MTMR1: variants seen among roughly 807,000 people sequenced by gnomAD.
The protein encoded by MTMR1 is phosphatidylinositol-3-phosphate phosphatase MTMR1.
In MTMR1, 17 loss-of-function variants were observed where a neutral mutation model predicts 51.6. The observed-to-expected ratio is 0.33, with a 90% confidence interval of 0.23 to 0.49. The LOEUF is 0.49. MTMR1 is among the 20% of genes least tolerant of loss of function. The pLI is 0.99. For synonymous variants in MTMR1, 201 were observed against 205.6 expected, an observed-to-expected ratio of 0.98 and a Z score of 0.19; for missense variants, 386 against 526.9, an observed-to-expected ratio of 0.73 and a Z score of 2.62.
chrX:150,732,793 T>G, intron 10 of MTMR1, 63 bp downstream of exon 10: 1 of 1,029,641 alleles, frequency 9.7e-7, no homozygotes, highest in South Asian at 2.4e-5. Context: ...TAAATCATTA[T>G]GCAGTTGGAA....
intron 2 of MTMR1, among the ~76,000 whole-genome samples, chrX:150,705,723 G>A (rs1557416050): frequency 8.9e-6 from 1 of 111,983 alleles, no homozygotes; most frequent in African/African-American, 3.2e-5. Flanking sequence ...TCTCTGAACA[G>A]AAAGGAAGCA....
Position 150,718,614 on chromosome X carries a change from T to C in MTMR1, c.277-11T>C. On this transcript the variant is annotated splice_polypyrimidine_tract_variant and intron_variant, in intron 3 of 15. Coordinates refer to ENST00000445323, the MANE Select transcript of MTMR1 (RefSeq NM_001306144.3). ...TTTTTTTTTTTTTTTTTTTTTTTTT[T>C]TTTTTGCCAGGCTCTAAGGGATGGA... The C allele has an allele frequency of 3.0e-6, 2 of 668,075 alleles. No individual in the cohort carries two copies. The highest frequency in any genetic ancestry group is 4.1e-6 in the Non-Finnish European group (2 of 490,043). 55.1% of individuals were successfully genotyped at this position (668,075 alleles called of 1,213,427 possible). A position where few individuals can be genotyped will look rare whatever the true frequency, so the allele number is the denominator to read the frequency against.
At chrX:150,730,707 A>T (rs868996055) in intron 8 of MTMR1, 99 bp downstream of exon 8, 2 of 454,563 alleles carry the variant, frequency 4.4e-6, no homozygotes, top group Middle Eastern at 7.9e-4. Context: ...ACTTTTTCGA[A>T]CAAGTTATGC....
chrX:150,762,156 G>C (rs990514257), intron 15 of MTMR1, among the ~76,000 whole-genome samples: 3 of 112,893 alleles, frequency 2.7e-5, no homozygotes, highest in African/African-American at 9.6e-5. Flanking sequence ...AAAATACAGA[G>C]ATAATGGAGA....
chrX:150,697,506 G>T (rs1055304649), intron 1 of MTMR1, among the ~76,000 whole-genome samples: 2 of 111,138 alleles, frequency 1.8e-5, no homozygotes, highest in South Asian at 3.8e-4. Flanking sequence ...GTAAACTTTT[G>T]TCGGTGTTTT....
intron 12 of MTMR1, among the ~76,000 whole-genome samples, chrX:150,741,261 C>A (rs1426196647): frequency 9.0e-6 from 1 of 111,490 alleles, no homozygotes; most frequent in East Asian, 2.8e-4. Flanking sequence ...ACATCTCCAG[C>A]CTCACCTCTC....
At chrX:150,694,257 T>A (rs1557415672) in intron 1 of MTMR1, among the ~76,000 whole-genome samples, 3 of 111,836 alleles carry the variant, frequency 2.7e-5, no homozygotes, top group Admixed American at 9.4e-5. Context: ...AACCATTTAC[T>A]TTCAGTTCTT....
chrX:150,713,598 T>G (rs2041386478), intron 3 of MTMR1, among the ~76,000 whole-genome samples: 1 of 111,794 alleles, frequency 8.9e-6, no homozygotes, highest in Admixed American at 9.5e-5. Context: ...TTTTAATATT[T>G]TTAGCCTCGG....
In MTMR1 at chrX:150,732,197, C is replaced by T. The variant is rs144593173; in HGVS notation, c.892-345C>T. On this transcript the variant is annotated intron_variant, in intron 9 of 15. Transcript: ENST00000445323. ...TGCCACGTATATTATTGTTGAGATA[C>T]AAAGATGTTTTTAAAATTAGGAGAC... is the stretch of plus-strand genomic sequence containing the variant. 7.8e-4 allele frequency among the ~76,000 whole-genome samples: 87 copies of T among 111,803 alleles called. No homozygotes were observed. The East Asian group carries it at 0.013, about 17-fold the overall frequency.
chrX:150,711,133 A>G, intron 2 of MTMR1, among the ~76,000 whole-genome samples: 1 of 112,474 alleles, frequency 8.9e-6, no homozygotes, highest in South Asian at 3.7e-4. Flanking sequence ...TTTGACAGAA[A>G]TACACACATT....
At chrX:150,723,389 C>T (rs2079467022) in intron 4 of MTMR1, among the ~76,000 whole-genome samples, 1 of 110,467 alleles carries the variant, frequency 9.1e-6, no homozygotes, top group South Asian at 3.9e-4. Context: ...ATGGCTGGGT[C>T]AAATGGTATT....
At chrX:150,721,144 C>T (rs1256097420) in intron 4 of MTMR1, among the ~76,000 whole-genome samples, 1 of 111,894 alleles carries the variant, frequency 8.9e-6, no homozygotes, top group Non-Finnish European at 1.9e-5. Flanking sequence ...CCAGGATAAA[C>T]TCAGCTTGCT....
intron 13 of MTMR1, among the ~76,000 whole-genome samples, chrX:150,746,955 TTAAG>T (rs1557417470): frequency 8.9e-6 from 1 of 112,251 alleles, no homozygotes; most frequent in African/African-American, 3.2e-5. Flanking sequence ...TTGCCTACTG[TTAAG>T]TAAGCTATGC....
intron 12 of MTMR1, 45 bp downstream of exon 12, chrX:150,737,493 CAT>C: frequency 9.2e-7 from 1 of 1,087,714 alleles, no homozygotes; most frequent in Non-Finnish European, 1.3e-6. Context: ...TTTGCGGTAT[CAT>C]ATGGATGTAA....
chrX:150,761,301 C>G (rs1439213998), intron 15 of MTMR1, among the ~76,000 whole-genome samples: 1 of 112,138 alleles, frequency 8.9e-6, no homozygotes, highest in East Asian at 2.8e-4. Flanking sequence ...CCAAGGGGGT[C>G]ATTTCTTCTC....
chrX:150,758,369 C>A (rs185222751), intron 15 of MTMR1, among the ~76,000 whole-genome samples: 48 of 112,146 alleles, frequency 4.3e-4, no homozygotes, highest in Middle Eastern at 9.1e-3. Flanking sequence ...AGGCCTTTTG[C>A]TCCTGCCTAA....
In MTMR1 at chrX:150,737,271, T is replaced by A. The variant is rs2042302346; in HGVS notation, c.1296T>A (p.Ala432=). Residue 432 remains alanine (A), a synonymous_variant, in exon 12 of 16, where the codon GCT becomes GCA. Transcript: ENST00000445323. The stretch of plus-strand genomic sequence containing the variant: ...TGCTTGCTGGGGCAGTAAGAATTGC[T>A]GATAAAATAGAATCTGGGAAAACAT... ...RMLLAGAVRI[A]DKIESGKTSV... The A allele has an allele frequency of 1.7e-6, 2 of 1,209,935 alleles. No homozygotes were observed. Among genetic ancestry groups the A allele is most frequent in the Non-Finnish European group, 1.1e-6 (1 of 895,244 alleles).
At chrX:150,753,360 C>T (rs914094900) in intron 14 of MTMR1, among the ~76,000 whole-genome samples, 7 of 111,900 alleles carry the variant, frequency 6.3e-5, no homozygotes, top group South Asian at 7.3e-4. Context: ...GTGGAATTGC[C>T]GGGTCATGTG....
chrX:150,722,696 G>A (rs1374628966), intron 4 of MTMR1, among the ~76,000 whole-genome samples: 1 of 109,923 alleles, frequency 9.1e-6, no homozygotes, highest in African/African-American at 3.3e-5. Context: ...CTTCTAATTG[G>A]GGTGTTTAGA....
Sources: allele counts gnomAD v4.1 joint callset (sites outside exome capture counted in the v4.1 genomes callset), GRCh38; gene constraint gnomAD v4.1.1; transcripts MANE v1.5; gene names NCBI Gene and HGNC (gene_info 2026-07-23, HGNC 2026-07-21).